Variants in NOL4 observed in about 807,000 individuals in gnomAD.
NOL4 encodes nucleolar protein 4, also known as cancer/testis antigen 125.
A neutral mutation model predicts 75.9 loss-of-function variants in NOL4; 17 were observed. The observed-to-expected ratio is 0.22, with a 90% CI of 0.15 to 0.34. The LOEUF is 0.34. Ranked by LOEUF, NOL4 falls within the 10% of genes least tolerant of loss-of-function variation. The pLI is 1.00. For synonymous variants in NOL4, 292 were observed against 289.9 expected (o/e 1.01, Z -0.07); for missense variants, 614 against 793.5 (o/e 0.77, Z 2.72).
intron 6 of NOL4, among the ~76,000 whole-genome samples, chr18:33,989,853 G>A (rs1208934962): frequency 6.6e-6 from 1 of 151,974 alleles, no homozygotes; most frequent in East Asian, 1.9e-4. Context: ...GCCCTATATA[G>A]CACGTGCAAT....
At chr18:33,864,699 T>C (rs1352337266) in intron 10 of NOL4, among the ~76,000 whole-genome samples, 1 of 152,180 alleles carries the variant, frequency 6.6e-6, no homozygotes, top group Non-Finnish European at 1.5e-5. Flanking sequence ...CTGTCTATGG[T>C]ACCAATTTCC....
intron 10 of NOL4, among the ~76,000 whole-genome samples, chr18:33,868,618 G>A (rs2063543184): frequency 7.1e-6 from 1 of 141,614 alleles, no homozygotes; most frequent in Non-Finnish European, 1.5e-5. Flanking sequence ...TATGTTTAAT[G>A]GTCATATGAA....
At chr18:33,865,554 C>A (rs2144376734) in intron 10 of NOL4, among the ~76,000 whole-genome samples, 1 of 151,788 alleles carries the variant, frequency 6.6e-6, no homozygotes, top group South Asian at 2.1e-4. Flanking sequence ...ATCTGGGTCA[C>A]TGCTATAAAA....
intron 4 of NOL4, among the ~76,000 whole-genome samples, chr18:34,096,819 T>C (rs1159952645): frequency 1.3e-5 from 2 of 152,166 alleles, no homozygotes; most frequent in East Asian, 3.8e-4. Context: ...TTTTCCCTTT[T>C]AAACACGGCA....
chr18:34,078,434 A>G (rs1180689306), intron 5 of NOL4, among the ~76,000 whole-genome samples: 1 of 152,226 alleles, frequency 6.6e-6, no homozygotes, highest in African/African-American at 2.4e-5. Context: ...GTGAAACTAG[A>G]TGTCATGGAC....
chr18:33,987,682 T>A (rs2072569438), intron 6 of NOL4, among the ~76,000 whole-genome samples: 1 of 152,106 alleles, frequency 6.6e-6, no homozygotes, highest in African/African-American at 2.4e-5. Context: ...ATTAAATAAT[T>A]AACCCAAAGT....
chr18:33,913,411 G>A (rs966022603), intron 9 of NOL4, among the ~76,000 whole-genome samples: 19 of 152,166 alleles, frequency 1.2e-4, no homozygotes, highest in African/African-American at 3.1e-4. Context: ...TTTGGATGTC[G>A]TCATTCCATT....
At chr18:34,014,233 A>G (rs773913392) in intron 6 of NOL4, among the ~76,000 whole-genome samples, 18 of 152,070 alleles carry the variant, frequency 1.2e-4, no homozygotes, top group Non-Finnish European at 2.2e-4. Flanking sequence ...AATTGAAAAA[A>G]GTTACATGAA....
rs1599733290 is a variant in NOL4 at position 33,883,113 on chromosome 18, G to A, written c.1723+131C>T. Reference sequence around the variant, plus strand: ...GGAGATATCCCTAATGCTAGATGATGAGTTAGTGGGTGCAGCGCACCAGCA... The same window carrying A: ...GGAGATATCCCTAATGCTAGATGATAAGTTAGTGGGTGCAGCGCACCAGCA... On this transcript the variant is annotated intron_variant, in intron 10 of 10. Coordinates refer to ENST00000261592, the MANE Select transcript of NOL4 (RefSeq NM_003787.5). The A allele has an allele frequency of 7.0e-6, 4 of 571,246 alleles. No individual in the cohort carries two copies. In the East Asian group the frequency reaches 9.7e-5, roughly 14 times the overall value. 35.4% of individuals were successfully genotyped at this position (571,246 alleles called of 1,614,324 possible).
At chr18:34,054,639 G>A (rs745626659) in intron 5 of NOL4, among the ~76,000 whole-genome samples, 1 of 151,700 alleles carries the variant, frequency 6.6e-6, no homozygotes, top group Non-Finnish European at 1.5e-5. Flanking sequence ...GTTTGATCTT[G>A]ATTTTTTAAA....
intron 1 of NOL4, among the ~76,000 whole-genome samples, chr18:34,196,431 T>C (rs2035334830): frequency 1.3e-5 from 2 of 152,154 alleles, no homozygotes; most frequent in East Asian, 3.9e-4. Flanking sequence ...CTGTGCAGAG[T>C]CAGAATCACA....
intron 5 of NOL4, among the ~76,000 whole-genome samples, chr18:34,046,618 A>ATATATATACATATATATATATATATG (rs2076384104): frequency 1.7e-5 from 2 of 114,416 alleles, no homozygotes; most frequent in Non-Finnish European, 4.1e-5. Flanking sequence ...ATATATATAT[A>ATATATATACATATATATATATATATG]TATATATATA....
chr18:34,041,526 AC>A (rs2076141675), intron 5 of NOL4, among the ~76,000 whole-genome samples: 1 of 150,922 alleles, frequency 6.6e-6, no homozygotes, highest in African/African-American at 2.4e-5. Flanking sequence ...AAAAAAAGCC[AC>A]TTCGTTATCA....
intron 5 of NOL4, among the ~76,000 whole-genome samples, chr18:34,035,619 G>C (rs2075854737): frequency 6.7e-6 from 1 of 149,262 alleles, no homozygotes; most frequent in South Asian, 2.1e-4. Context: ...AACAGCAAAA[G>C]GAAAAAAAAA....
intron 5 of NOL4, chr18:34,023,644 C>A: frequency 3.3e-6 from 1 of 307,544 alleles, no homozygotes; most frequent in Non-Finnish European, 6.9e-6. Context: ...TAAGAGTGCC[C>A]AGGGTACCTA....
intron 1 of NOL4, among the ~76,000 whole-genome samples, chr18:34,162,850 T>C (rs1395901728): frequency 2.6e-5 from 4 of 152,212 alleles, no homozygotes; most frequent in Non-Finnish European, 5.9e-5. Flanking sequence ...AGTGAAATAC[T>C]GGCAAACGGA....
intron 5 of NOL4, among the ~76,000 whole-genome samples, chr18:34,020,586 T>C (rs73416324): frequency 6.6e-6 from 1 of 152,114 alleles, no homozygotes; most frequent in Non-Finnish European, 1.5e-5. Flanking sequence ...TAGCAAAAAA[T>C]TAGAAATGAC....
At chr18:34,078,915 T>C (rs917976364) in intron 5 of NOL4, among the ~76,000 whole-genome samples, 10 of 152,322 alleles carry the variant, frequency 6.6e-5, no homozygotes, top group Admixed American at 6.5e-4. Context: ...GGTTAGCGGT[T>C]GTTACTAACA....
chr18:33,911,682 A>G (rs953639224), intron 9 of NOL4, among the ~76,000 whole-genome samples: 1 of 152,054 alleles, frequency 6.6e-6, no homozygotes, highest in African/African-American at 2.4e-5. Context: ...TGCTTCTGAT[A>G]TTTAAGTGCC....
Sources: allele counts gnomAD v4.1 joint callset (sites outside exome capture counted in the v4.1 genomes callset), GRCh38; gene constraint gnomAD v4.1.1; transcripts MANE v1.5; gene names NCBI Gene and HGNC (gene_info 2026-07-23, HGNC 2026-07-21).